Variants in ITPR1 observed in about 807,000 individuals in gnomAD.
ITPR1 encodes the protein inositol 1,4,5-trisphosphate-gated calcium channel ITPR1.
In ITPR1, 96 loss-of-function variants were observed where a neutral mutation model predicts 318.4. The ratio of observed to expected loss-of-function variants is 0.30; its 90% CI spans 0.26 to 0.36. ITPR1 has a LOEUF of 0.36. ITPR1 is among the 10% of genes least tolerant of loss of function. The pLI is 1.00. For synonymous variants in ITPR1, 1,312 were observed against 1,289.9 expected, an observed-to-expected ratio of 1.02 and a Z score of -0.37; for missense variants, 2,440 against 3,460.2, an observed-to-expected ratio of 0.71 and a Z score of 7.40.
At chr3:4,647,456 T>G (rs2093484901) in intron 10 of ITPR1, among the ~76,000 whole-genome samples, 1 of 152,170 alleles carries the variant, frequency 6.6e-6, no homozygotes, top group Non-Finnish European at 1.5e-5. Context: ...AGCCATGGTA[T>G]GGTATGGTAT....
chr3:4,510,471 A>G (rs1317874329), intron 2 of ITPR1, among the ~76,000 whole-genome samples: 1 of 152,224 alleles, frequency 6.6e-6, no homozygotes, highest in African/African-American at 2.4e-5. Flanking sequence ...GCTGAGACTC[A>G]GGTTAGCAGG....
At chr3:4,753,170 G>T (rs533817302) in intron 44 of ITPR1, among the ~76,000 whole-genome samples, 1 of 152,176 alleles carries the variant, frequency 6.6e-6, no homozygotes, top group Non-Finnish European at 1.5e-5. Context: ...AAGCTAACGC[G>T]GTCTACCCCA....
At chr3:4,736,591 A>T (rs1305698490) in intron 44 of ITPR1, among the ~76,000 whole-genome samples, 1 of 152,218 alleles carries the variant, frequency 6.6e-6, no homozygotes, top group Admixed American at 6.5e-5. Flanking sequence ...ACAATGAGTG[A>T]GGCACCTGGG....
At position 4,846,198 on chromosome 3, in the gene ITPR1, G is replaced by T; in HGVS notation, c.8250G>T (p.Met2750Ile). 1 of 1,566,480 alleles carries T rather than the reference G, an allele frequency of 6.4e-7. No individual in the cohort carries two copies. Among genetic ancestry groups the T allele is most frequent in the Non-Finnish European group, 8.7e-7 (1 of 1,154,274 alleles). ...RIGLLGHPPHMNVNPQQPA is the reference protein window; with the variant it reads ...RIGLLGHPPHINVNPQQPA Reference sequence around the variant, plus strand: ...GTCTTCTAGGACATCCTCCTCACATGAATGTCAACCCACAACAACCAGCAT... The same window carrying T: ...GTCTTCTAGGACATCCTCCTCACATTAATGTCAACCCACAACAACCAGCAT... The change falls in exon 62 of 62, where the codon ATG (methionine) becomes ATT (isoleucine). Residue 2750 changes from methionine to isoleucine, a missense_variant. Around this residue, in one of 23 missense-constraint regions of ITPR1, gnomAD observed 63 missense variants for 63.4 expected, o/e 0.99. Transcript: ENST00000649015.
At chr3:4,523,031 T>G (rs2082685248) in intron 4 of ITPR1, among the ~76,000 whole-genome samples, 1 of 152,230 alleles carries the variant, frequency 6.6e-6, no homozygotes. Context: ...GTGTTTCTCT[T>G]GTGCTGCCAA....
chr3:4,790,236 A>T (rs2125408796), intron 52 of ITPR1, among the ~76,000 whole-genome samples: 1 of 152,246 alleles, frequency 6.6e-6, no homozygotes, highest in African/African-American at 2.4e-5. Flanking sequence ...GTTCTAGTCC[A>T]TTTCTGCCCC....
intron 7 of ITPR1, 52 bp downstream of exon 7, chr3:4,642,303 T>C (rs2125153225): frequency 7.1e-7 from 1 of 1,410,722 alleles, no homozygotes; most frequent in Non-Finnish European, 9.4e-7. Context: ...CTTCCAAGCA[T>C]GACTGTATAT....
rs748189121 is a variant in ITPR1, at chr3:4,706,300, C to G, written c.4791C>G (p.Asp1597Glu). 7 of 1,613,872 alleles carry G rather than the reference C, an allele frequency of 4.3e-6. No individual in the cohort carries two copies. The highest frequency in any genetic ancestry group is 3.3e-5 in the Admixed American group (2 of 60,002). The stretch of plus-strand genomic sequence containing the variant: ...CAGCCCGCAATGCCGCACGCAGGGA[C>G]TCTGTTCTGGCAGCTTCCAGAGACT... The part of the protein sequence containing the change: ...RLSARNAARR[D>E]SVLAASRDYR... Residue 1597 changes from aspartate to glutamate, a missense_variant, in exon 37 of 62, where the codon GAC (aspartate) becomes GAG (glutamate). By Grantham distance (45) the Asp-to-Glu change is conservative (BLOSUM62 2). This residue lies in a region of ITPR1 where 166 missense variants were observed against 246.5 expected (regional missense o/e 0.67). Coordinates refer to ENST00000649015, the MANE Select transcript of ITPR1 (RefSeq NM_001378452.1).
At chr3:4,601,194 G>T (rs79414400) in intron 4 of ITPR1, among the ~76,000 whole-genome samples, 2 of 12,168 alleles carry the variant, frequency 1.6e-4, no homozygotes, top group Non-Finnish European at 4.4e-4. Flanking sequence ...TTTTTTTTTG[G>T]CACTGGGGCA....
intron 52 of ITPR1, among the ~76,000 whole-genome samples, chr3:4,793,549 T>C (rs2047705632): frequency 6.6e-6 from 1 of 152,244 alleles, no homozygotes; most frequent in Admixed American, 6.5e-5. Flanking sequence ...ACACAATAGC[T>C]GTTGTTTCTA....
rs372049790 is a variant in ITPR1 at position 4,689,547 on chromosome 3, C to G, written c.3828+927C>G. On this transcript the variant is annotated intron_variant, in intron 31 of 61. Coordinates refer to ENST00000649015, the MANE Select transcript of ITPR1 (RefSeq NM_001378452.1). ...CAGCAGACTATAATGCAAATATTCC[C>G]AAATCCAAAATGTGAAACCCTTGTG... Among the ~76,000 whole-genome samples, 24 of 152,258 alleles carry G rather than the reference C, an allele frequency of 1.6e-4. No individual in the cohort carries two copies. The East Asian group carries it at 2.5e-3, about 16-fold the overall frequency.
Position 4,782,664 on chromosome 3 carries a change from G to C in ITPR1, c.6433G>C (p.Glu2145Gln), listed in dbSNP as rs1425877002. Residue 2145 changes from glutamate (E) to glutamine (Q), a missense_variant, in exon 50 of 62, where the codon GAG (glutamate) becomes CAG (glutamine). Physicochemically the swap from Glu to Gln is conservative, Grantham distance 29. This residue lies in a region of ITPR1 where 49 missense variants were observed against 47.2 expected (regional missense o/e 1.04). Coordinates refer to ENST00000649015, the MANE Select transcript of ITPR1 (RefSeq NM_001378452.1). ...KAYMQGEVEF[E>Q]DGENGEDGAA... ...CTACATGCAAGGTGAAGTGGAATTT[G>C]AGGATGGAGAAAACGGTGAGGATGG... The C allele has an allele frequency of 6.2e-7, 1 of 1,605,192 alleles. No individual in the cohort carries two copies. The highest frequency in any genetic ancestry group is 1.7e-5 in the Admixed American group (1 of 59,214).
At chr3:4,582,761 C>T (rs547584921) in intron 4 of ITPR1, among the ~76,000 whole-genome samples, 2 of 152,294 alleles carry the variant, frequency 1.3e-5, no homozygotes, top group South Asian at 4.1e-4. Flanking sequence ...GATTAGCTTT[C>T]AGAAACCTAA....
chr3:4,813,098 A>G (rs1006593473), intron 56 of ITPR1, 44 bp from the exon 57 acceptor site: 1 of 1,451,436 alleles, frequency 6.9e-7, no homozygotes, highest in South Asian at 1.1e-5. Context: ...TTTTAACCAT[A>G]TGCTGCCAGA....
intron 60 of ITPR1, among the ~76,000 whole-genome samples, chr3:4,818,810 G>GGGAA (rs1468341162): frequency 1.3e-5 from 2 of 152,186 alleles, no homozygotes; most frequent in African/African-American, 4.8e-5. Context: ...CCAGGAAGCG[G>GGGAA]GGAAGCTGCT....
Position 4,718,426 on chromosome 3 carries a change from G to A in ITPR1, c.5136+1027G>A, listed in dbSNP as rs188807770. 3.0e-4 allele frequency among the ~76,000 whole-genome samples: 45 copies of A among 152,264 alleles called. 2 individuals carry two copies. Among genetic ancestry groups the A allele is most frequent in the African/African-American group, 9.9e-4 (41 of 41,560 alleles). On this transcript the variant is annotated intron_variant, in intron 40 of 61. Coordinates refer to ENST00000649015, the MANE Select transcript of ITPR1 (RefSeq NM_001378452.1). ...TAGTATCTACTCTAATTAATACACC[G>A]TAATTTCAGGAATACTAAGAAATGG...
intron 44 of ITPR1, 66 bp from the exon 45 acceptor site, chr3:4,766,464 T>A: frequency 7.4e-7 from 1 of 1,350,642 alleles, no homozygotes. Flanking sequence ...TAGGTTTTGG[T>A]GTCATGAGTG....
intron 30 of ITPR1, among the ~76,000 whole-genome samples, chr3:4,686,836 G>T (rs1383439341): frequency 1.3e-5 from 2 of 152,210 alleles, no homozygotes; most frequent in East Asian, 3.8e-4. Context: ...CTGGAGGTGT[G>T]TGGAACTGTT....
At chr3:4,714,464 G>A (rs1033122764) in intron 39 of ITPR1, among the ~76,000 whole-genome samples, 3 of 152,144 alleles carry the variant, frequency 2.0e-5, no homozygotes, top group African/African-American at 4.8e-5. Context: ...ATCGGATCTG[G>A]AGGGGCCCTG....
Sources: gnomAD v4.1 joint callset for allele counts (sites outside exome capture counted in the v4.1 genomes callset) on GRCh38, gnomAD v4.1.1 for gene constraint, gnomAD v4.1.1 regional missense constraint, MANE v1.5 for transcripts, NCBI Gene and HGNC (gene_info 2026-07-23, HGNC 2026-07-21) for gene names.